Variants in DBX2 observed in about 807,000 individuals in gnomAD.
DBX2 encodes developing brain homeobox 2.
Under a neutral mutation model 17.7 loss-of-function variants are expected in DBX2, and 16 were observed. The observed-to-expected ratio is 0.90, with a 90% confidence interval of 0.61 to 1.37. The LOEUF (loss-of-function observed/expected upper bound fraction) is 1.37, where lower values mean the gene tolerates loss of function less well. DBX2 is among the 40% of genes most tolerant of loss of function. The pLI, the probability that DBX2 is intolerant of heterozygous loss-of-function variation, is 0.00. For missense variants in DBX2, 538 were observed against 433.8 expected (o/e 1.24, Z -2.13); for synonymous variants, 255 against 183.8 (o/e 1.39, Z -3.13).
chr12:45,028,434 A>C (rs2137022849), intron 2 of DBX2, among the ~76,000 whole-genome samples: 1 of 152,332 alleles, frequency 6.6e-6, no homozygotes, highest in South Asian at 2.1e-4. Context: ...TTGTATAAGT[A>C]AGTCCCAAGA....
rs1946316574 is a variant in DBX2, at chr12:45,015,170, A to G, written c.*1116T>C. 6.6e-6 allele frequency: 1 copy of G among 152,206 alleles called. No individual in the cohort carries two copies. The highest frequency in any genetic ancestry group is 2.1e-4 in the South Asian group (1 of 4,830). 9.4% of individuals were successfully genotyped at this position (152,206 alleles called of 1,614,324 possible). ...AGAAATGCAATTTTAGAAAGATACA[A>G]TTTCAGGGTAGTCAAAAAACACAAA... On this transcript the variant is annotated 3_prime_UTR_variant, in exon 4 of 4. Transcript: ENST00000332700.
In DBX2 at chr12:45,050,975, T is replaced by A. The variant is rs1293502777; in HGVS notation, c.-48A>T. ...TGCGCGCCCGCCTTGCGCCCGCCTGTCGCCCGGGCGCCCCGCACCGCACCC... is the reference window on the plus strand; with the variant it reads ...TGCGCGCCCGCCTTGCGCCCGCCTGACGCCCGGGCGCCCCGCACCGCACCC... On this transcript the variant is annotated 5_prime_UTR_variant, in exon 1 of 4. Transcript: ENST00000332700. 5 of 1,356,970 alleles carry A rather than the reference T, an allele frequency of 3.7e-6. No homozygotes were observed. Among genetic ancestry groups the A allele is most frequent in the Non-Finnish European group, 3.8e-6 (4 of 1,057,578 alleles). 84.1% of individuals were successfully genotyped at this position (1,356,970 alleles called of 1,614,324 possible). A position where few individuals can be genotyped will look rare whatever the true frequency, so the allele number is the denominator to read the frequency against.
At chr12:45,044,104 A>G (rs1029641156) in intron 1 of DBX2, among the ~76,000 whole-genome samples, 7 of 136,926 alleles carry the variant, frequency 5.1e-5, no homozygotes, top group Non-Finnish European at 1.2e-4. Flanking sequence ...AAAAAGCAAG[A>G]TAGTAAATAC....
rs1312338742 is a variant in DBX2 at position 45,051,074 on chromosome 12, C to T, written c.-147G>A. 1.1e-5 allele frequency: 10 copies of T among 917,700 alleles called. No individual in the cohort carries two copies. In the East Asian group the frequency reaches 2.1e-4, roughly 19 times the overall value. The allele number at this position is 917,700 out of a possible 1,614,324, so 56.8% of individuals were successfully genotyped here. On this transcript the variant is annotated 5_prime_UTR_variant, in exon 1 of 4. Transcript: ENST00000332700. ...AGCCAGGCAGGGAGGAAAGGCCACC[C>T]GGGACGGCGGCGGACTTGGAACGAT...
At chr12:45,048,152 A>G (rs1946509806) in intron 1 of DBX2, among the ~76,000 whole-genome samples, 1 of 152,178 alleles carries the variant, frequency 6.6e-6, no homozygotes, top group Non-Finnish European at 1.5e-5. Flanking sequence ...AATGAAACCA[A>G]AATGCATGCA....
In DBX2 at chr12:45,022,999, AGTGT is replaced by A. The variant is rs1442412830; in HGVS notation, c.687+704_687+707del. Among the ~76,000 whole-genome samples, 5 of 152,192 alleles carry A rather than the reference AGTGT, an allele frequency of 3.3e-5. No homozygotes were observed. The South Asian group carries it at 6.2e-4, about 19-fold the overall frequency. On this transcript the variant is annotated intron_variant, in intron 3 of 3. Transcript: ENST00000332700. ...CCATTTAGAAAACGGGGATTATTAT[AGTGT>A]GTATTTCACATGACAATTATAAGGA...
chr12:45,024,129 G>T (rs118038898), intron 2 of DBX2, among the ~76,000 whole-genome samples: 1,668 of 152,144 alleles, frequency 0.011, 18 homozygotes, highest in Non-Finnish European at 0.017. Context: ...TCATGGGGGT[G>T]GTTCCCCCAT....
intron 3 of DBX2, among the ~76,000 whole-genome samples, chr12:45,017,830 C>T (rs1225616499): frequency 6.6e-6 from 1 of 152,104 alleles, no homozygotes; most frequent in Non-Finnish European, 1.5e-5. Context: ...GCATCACATC[C>T]TTACACTAAC....
chr12:45,021,190 C>T (rs1188736318), intron 3 of DBX2, among the ~76,000 whole-genome samples: 4 of 151,924 alleles, frequency 2.6e-5, no homozygotes, highest in Non-Finnish European at 4.4e-5. Context: ...GATATATTTA[C>T]AAATAAGAAA....
chr12:45,034,615 C>T (rs902933532), intron 2 of DBX2, among the ~76,000 whole-genome samples: 1 of 152,162 alleles, frequency 6.6e-6, no homozygotes, highest in Non-Finnish European at 1.5e-5. Flanking sequence ...TGATAATGGG[C>T]CCTATGTATT....
In DBX2 at chr12:45,023,900, G is replaced by C; in HGVS notation, c.500-6C>G. On this transcript the variant is annotated splice_region_variant and splice_polypyrimidine_tract_variant and intron_variant, in intron 2 of 3. Transcript: ENST00000332700. ...AGGCAGCATGCTCTCTTCTCCTAGA[G>C]TCGAGGGAAAAAGATACAAAAGCCC... 1 of 1,538,372 alleles carries C rather than the reference G, an allele frequency of 6.5e-7. No individual in the cohort carries two copies. Among genetic ancestry groups the C allele is most frequent in the Non-Finnish European group, 8.7e-7 (1 of 1,150,096 alleles).
At chr12:45,035,407 G>C (rs989791536) in intron 2 of DBX2, among the ~76,000 whole-genome samples, 1 of 152,134 alleles carries the variant, frequency 6.6e-6, no homozygotes, top group Non-Finnish European at 1.5e-5. Context: ...GAGTGTGAGA[G>C]TGTGTGTGTG....
Position 45,050,853 on chromosome 12 carries a change from G to T in DBX2, c.75C>A (p.Leu25=). 2 of 1,538,118 alleles carry T rather than the reference G, an allele frequency of 1.3e-6. No homozygotes were observed. The highest frequency in any genetic ancestry group is 1.4e-5 in the African/African-American group (1 of 70,562). Residue 25 remains leucine, a synonymous_variant, in exon 1 of 4, where the codon CTC becomes CTA. Coordinates refer to ENST00000332700, the MANE Select transcript of DBX2 (RefSeq NM_001004329.3). ...DVVASSALLN[L]PAAPGFGNLG... ...GGTTGCCAAAGCCGGGCGCAGCGGG[G>T]AGGTTGAGGAGCGCGGAGGAAGCCA... is the stretch of plus-strand genomic sequence containing the variant.
intron 3 of DBX2, among the ~76,000 whole-genome samples, chr12:45,022,511 A>G (rs1369531718): frequency 6.6e-6 from 1 of 151,794 alleles, no homozygotes; most frequent in African/African-American, 2.4e-5. Context: ...TCACCGTGTT[A>G]GCCAGGATGG....
At chr12:45,037,107 A>G (rs2137027768) in intron 1 of DBX2, among the ~76,000 whole-genome samples, 1 of 152,292 alleles carries the variant, frequency 6.6e-6, no homozygotes, top group South Asian at 2.1e-4. Context: ...ATGATGAATC[A>G]TCCCCTTTGA....
chr12:45,050,587 C>G lies in DBX2; in HGVS notation c.341G>C (p.Ser114Thr). The change falls in exon 1 of 4, where the codon AGT becomes ACT. Residue 114 changes from serine to threonine, a missense_variant. Ser to Thr is a moderately conservative substitution (Grantham distance 58, BLOSUM62 1). Transcript: ENST00000332700. ...CGGAGCCCGGCCCGGCAGCCTCGCACTGTCCGCAGAGGGACTGAGCACTTG... is the reference window on the plus strand; with the variant it reads ...CGGAGCCCGGCCCGGCAGCCTCGCAGTGTCCGCAGAGGGACTGAGCACTTG... The part of the protein sequence containing the change: ...AFQVLSPSAD[S>T]ARLPGRAPGD... 6.4e-7 allele frequency: 1 copy of G among 1,552,014 alleles called. No homozygotes were observed. Among genetic ancestry groups the G allele is most frequent in the Non-Finnish European group, 8.7e-7 (1 of 1,148,238 alleles).
intron 2 of DBX2, 121 bp downstream of exon 2, chr12:45,035,898 T>A: frequency 1.1e-6 from 1 of 919,858 alleles, no homozygotes; most frequent in Non-Finnish European, 1.6e-6. Context: ...TCGCTGTGAC[T>A]TTTAGTGAGG....
At position 45,031,661 on chromosome 12, in the gene DBX2, T is replaced by C. The variant is rs1298609206; in HGVS notation, c.499+4358A>G. Among the ~76,000 whole-genome samples the C allele has an allele frequency of 5.9e-5, 9 of 152,308 alleles. No homozygotes were observed. In the East Asian group the frequency reaches 1.4e-3, roughly 23 times the overall value. On this transcript the variant is annotated intron_variant, in intron 2 of 3. Transcript: ENST00000332700. ...TTAACCTGGTTTTTATATGAGAGCT[T>C]GTTCAATGTACCTTTTAAAGTGGGC...
At chr12:45,042,096 A>T (rs1212099122) in intron 1 of DBX2, among the ~76,000 whole-genome samples, 3 of 152,166 alleles carry the variant, frequency 2.0e-5, no homozygotes, top group Non-Finnish European at 4.4e-5. Flanking sequence ...CTAGGACTGG[A>T]CACCCGCATA....
Sources: allele counts gnomAD v4.1 joint callset (sites outside exome capture counted in the v4.1 genomes callset), GRCh38; gene constraint gnomAD v4.1.1; transcripts MANE v1.5; gene names NCBI Gene and HGNC (gene_info 2026-07-23, HGNC 2026-07-21).